The following TLL2 variants were observed in gnomAD, a reference collection of about 807,000 sequenced individuals.
The protein encoded by TLL2 is tolloid-like protein 2.
In TLL2, 106 loss-of-function variants were observed where a neutral mutation model predicts 123.0. The observed-to-expected ratio is 0.86, with a 90% CI of 0.74 to 1.01. TLL2 has a LOEUF of 1.01. Among genes scored for constraint, TLL2 ranks in the 50% least tolerant of loss-of-function variants. TLL2 has a pLI of 0.00. For synonymous variants in TLL2, 494 were observed against 516.8 expected (o/e 0.96, Z 0.60); for missense variants, 1,332 against 1,336.7 (o/e 1.00, Z 0.06).
rs148798414 is a variant in TLL2 at position 96,452,248 on chromosome 10, T to G, written c.287-6080A>C. Among the ~76,000 whole-genome samples the G allele has an allele frequency of 8.2e-3, 1,249 of 152,194 alleles. 21 individuals carry two copies. Among genetic ancestry groups the G allele is most frequent in the Non-Finnish European group, 8.6e-3 (587 of 68,012 alleles). Reference sequence around the variant, plus strand: ...GTGGGGGATGGGAGTCCTAGGAGGGTCTCTCAGAGTCGGTGACATTTGAGC... The same window carrying G: ...GTGGGGGATGGGAGTCCTAGGAGGGGCTCTCAGAGTCGGTGACATTTGAGC... On this transcript the variant is annotated intron_variant, in intron 2 of 20. Coordinates refer to ENST00000357947, the MANE Select transcript of TLL2 (RefSeq NM_012465.4).
intron 19 of TLL2, among the ~76,000 whole-genome samples, chr10:96,371,789 G>A (rs1846087312): frequency 6.6e-6 from 1 of 152,214 alleles, no homozygotes; most frequent in Non-Finnish European, 1.5e-5. Context: ...TCAGCCATGG[G>A]GAGCACCAGC....
chr10:96,382,857 G>C (rs1396930357), intron 16 of TLL2, among the ~76,000 whole-genome samples: 5 of 152,194 alleles, frequency 3.3e-5, no homozygotes, highest in Admixed American at 6.5e-5. Flanking sequence ...CTAAGATAGA[G>C]GAATAAGACG....
chr10:96,504,116 A>G (rs1288324758), intron 1 of TLL2, among the ~76,000 whole-genome samples: 1 of 151,998 alleles, frequency 6.6e-6, no homozygotes, highest in Admixed American at 6.5e-5. Context: ...GCTCCCATCA[A>G]CTCCTAGGGG....
chr10:96,496,713 T>C (rs1847479632), intron 1 of TLL2, among the ~76,000 whole-genome samples: 1 of 152,236 alleles, frequency 6.6e-6, no homozygotes. Context: ...CCTGCTCAGC[T>C]AATTTCCAAA....
At chr10:96,450,357 T>G (rs1175696856) in intron 2 of TLL2, among the ~76,000 whole-genome samples, 2 of 67,138 alleles carry the variant, frequency 3.0e-5, no homozygotes, top group African/African-American at 1.1e-4. Context: ...TTGAATCACC[T>G]GGGAAGCCTT....
intron 19 of TLL2, among the ~76,000 whole-genome samples, chr10:96,372,209 C>T (rs780306446): frequency 3.3e-5 from 5 of 152,174 alleles, no homozygotes; most frequent in Non-Finnish European, 5.9e-5. Flanking sequence ...ACAAACCATG[C>T]AGCGTTTTCT....
At chr10:96,493,931 G>C (rs1045862635) in intron 1 of TLL2, among the ~76,000 whole-genome samples, 14 of 152,308 alleles carry the variant, frequency 9.2e-5, no homozygotes, top group African/African-American at 3.4e-4. Flanking sequence ...AGCCCAAGTT[G>C]ACAATCCGTA....
intron 16 of TLL2, 61 bp downstream of exon 16, chr10:96,384,526 C>T: frequency 6.9e-7 from 1 of 1,448,936 alleles, no homozygotes; most frequent in Non-Finnish European, 9.2e-7. Context: ...GACCCCAGAG[C>T]CTGGAGTCTG....
chr10:96,402,064 T>A (rs1846402794), intron 10 of TLL2, among the ~76,000 whole-genome samples: 1 of 152,202 alleles, frequency 6.6e-6, no homozygotes, highest in Admixed American at 6.5e-5. Flanking sequence ...AAGTGTGGGA[T>A]TAAGTGACTG....
intron 13 of TLL2, among the ~76,000 whole-genome samples, chr10:96,390,798 C>G (rs867985760): frequency 2.0e-4 from 31 of 152,318 alleles, no homozygotes; most frequent in African/African-American, 7.5e-4. Flanking sequence ...GATACGGCAG[C>G]CCCCAGCCAC....
intron 1 of TLL2, among the ~76,000 whole-genome samples, chr10:96,506,255 A>AAAC (rs1260836064): frequency 7.6e-6 from 1 of 131,104 alleles, no homozygotes; most frequent in Non-Finnish European, 1.6e-5. Flanking sequence ...CCATCTCAAA[A>AAAC]AAAAAAAAAA....
Position 96,409,697 on chromosome 10 carries a change from C to G in TLL2, c.1164+662G>C, listed in dbSNP as rs114044458. Among the ~76,000 whole-genome samples the G allele has an allele frequency of 5.1e-3, 777 of 152,260 alleles. 9 individuals are homozygous for G. The highest frequency in any genetic ancestry group is 0.018 in the African/African-American group (741 of 41,550). On this transcript the variant is annotated intron_variant, in intron 9 of 20. Transcript: ENST00000357947. ...CCCTGGGCTCAGCTCTAGGGGGTCA[C>G]GGAATCTTCAAGACTAAAGGGATGT...
intron 13 of TLL2, among the ~76,000 whole-genome samples, chr10:96,390,255 T>C (rs1846274448): frequency 6.6e-6 from 1 of 152,226 alleles, no homozygotes; most frequent in Non-Finnish European, 1.5e-5. Flanking sequence ...GGGCATATTC[T>C]TAGGCTTTTG....
intron 2 of TLL2, among the ~76,000 whole-genome samples, chr10:96,464,036 G>A (rs1356050367): frequency 6.6e-6 from 1 of 152,138 alleles, no homozygotes; most frequent in Non-Finnish European, 1.5e-5. Context: ...GGCAGGAGCC[G>A]AGAGCCTGCT....
At chr10:96,480,870 A>G (rs1257297056) in intron 1 of TLL2, among the ~76,000 whole-genome samples, 1 of 152,190 alleles carries the variant, frequency 6.6e-6, no homozygotes, top group African/African-American at 2.4e-5. Flanking sequence ...TCCCTGGGGA[A>G]AGATTATAGC....
Position 96,370,308 on chromosome 10 carries a change from C to A in TLL2, c.2670G>T (p.Gly890=). 1 of 1,576,530 alleles carries A rather than the reference C, an allele frequency of 6.3e-7. No homozygotes were observed. Among genetic ancestry groups the A allele is most frequent in the Non-Finnish European group, 8.6e-7 (1 of 1,159,488 alleles). ...TCTGCACTTCAGCCTTCAGCCTGCC[C>A]CCGCACTCTGGAGCAGAGAGAAGTG... is the stretch of plus-strand genomic sequence containing the variant. ...GFQAVHSTEC[G]GRLKAEVQTK... Residue 890 remains glycine, a synonymous_variant, in exon 20 of 21, where the codon GGG becomes GGT. Transcript: ENST00000357947.
At chr10:96,481,985 C>T (rs1368982503) in intron 1 of TLL2, among the ~76,000 whole-genome samples, 1 of 152,170 alleles carries the variant, frequency 6.6e-6, no homozygotes, top group Admixed American at 6.5e-5. Context: ...TAGCCAGGTG[C>T]GGTGGCTCAC....
At chr10:96,432,216 T>C (rs1015901127) in intron 4 of TLL2, among the ~76,000 whole-genome samples, 2 of 152,188 alleles carry the variant, frequency 1.3e-5, no homozygotes, top group Non-Finnish European at 2.9e-5. Flanking sequence ...AGTAACCCAT[T>C]TGATTCTCAA....
chr10:96,476,236 A>T (rs1161221033), intron 2 of TLL2, among the ~76,000 whole-genome samples: 219 of 20,420 alleles, frequency 0.011, 10 homozygotes, highest in East Asian at 0.043. Context: ...ATATATATAT[A>T]TATATTTTAT....
Sources: allele counts gnomAD v4.1 joint callset (sites outside exome capture counted in the v4.1 genomes callset), GRCh38; gene constraint gnomAD v4.1.1; transcripts MANE v1.5; gene names NCBI Gene and HGNC (gene_info 2026-07-23, HGNC 2026-07-21).